COG1: variants seen among roughly 807,000 people sequenced by gnomAD.
COG1 encodes component of oligomeric golgi complex 1.
Under a neutral mutation model 102.2 loss-of-function variants are expected in COG1, and 61 were observed. The ratio of observed to expected loss-of-function variants is 0.60; its 90% CI spans 0.49 to 0.74. The LOEUF (loss-of-function observed/expected upper bound fraction) is 0.74, where lower values mean the gene tolerates loss of function less well. Among genes scored for constraint, COG1 ranks in the 30% least tolerant of loss-of-function variants. The probability of loss-of-function intolerance (pLI) is 0.00; values close to 1 mark genes in which losing one functional copy is unlikely to be tolerated. For synonymous variants in COG1, 454 were observed against 493.6 expected (o/e 0.92, Z 1.06); for missense variants, 1,164 against 1,232.1 (o/e 0.94, Z 0.83).
intron 13 of COG1, chr17:73,207,993 G>T: frequency 7.8e-7 from 1 of 1,277,452 alleles, no homozygotes; most frequent in Non-Finnish European, 1.0e-6. Flanking sequence ...CTATGTTGCA[G>T]CCTCTTCCAG....
At chr17:73,204,460 A>C (rs540346198) in intron 9 of COG1, among the ~76,000 whole-genome samples, 2 of 151,960 alleles carry the variant, frequency 1.3e-5, no homozygotes, top group African/African-American at 4.8e-5. Context: ...AGAGGTGCTT[A>C]CTTACGGGGA....
rs1213519717 is a variant in COG1 at position 73,193,393 on chromosome 17, C to G, written c.315+9C>G. 7.0e-7 allele frequency: 1 copy of G among 1,427,264 alleles called. No individual in the cohort carries two copies. The highest frequency in any genetic ancestry group is 3.1e-5 in the Admixed American group (1 of 32,370). 88.4% of individuals were successfully genotyped at this position (1,427,264 alleles called of 1,614,324 possible). ...CACCGCGGGCCCAGCAGGTCAGTCC[C>G]CGTGCCCCCACCCTGCGACCCGCAG... On this transcript the variant is annotated intron_variant, in intron 1 of 13. Coordinates refer to ENST00000299886, the MANE Select transcript of COG1 (RefSeq NM_018714.3).
chr17:73,195,357 C>T (rs1385483055), intron 1 of COG1, among the ~76,000 whole-genome samples: 1 of 152,182 alleles, frequency 6.6e-6, no homozygotes, highest in African/African-American at 2.4e-5. Flanking sequence ...CGCTGTGGCT[C>T]ATGCCAGCAC....
intron 6 of COG1, 131 bp downstream of exon 6, chr17:73,200,907 C>A: frequency 1.0e-6 from 1 of 978,828 alleles, no homozygotes; most frequent in African/African-American, 1.6e-5. Flanking sequence ...GAGTCTAGAG[C>A]TGAAAATACA....
At position 73,196,522 on chromosome 17, in the gene COG1, CAGG is replaced by C. The variant is rs749016283; in HGVS notation, c.334_336del (p.Glu112del). ...TCCCCTGCAGCCACAGCAGCCATCC[CAGG>C]AGAAGTTCTACAGCATGGCTGCCCA... On this transcript the variant is annotated inframe_deletion, in exon 2 of 14. Transcript: ENST00000299886. 8 of 1,614,064 alleles carry C rather than the reference CAGG, an allele frequency of 5.0e-6. No homozygotes were observed. The East Asian group carries it at 8.9e-5, about 18-fold the overall frequency.
chr17:73,205,673 G>A lies in COG1; in HGVS notation c.2503G>A (p.Asp835Asn), dbSNP rs1312353126. ...GGTGAAGAGTGGCCGGAGCAAGCCAGACTCCAGGTGTCGTATCCTCTAGGG... is the reference window on the plus strand; with the variant it reads ...GGTGAAGAGTGGCCGGAGCAAGCCAAACTCCAGGTGTCGTATCCTCTAGGG... ...DEVKSGRSKP[D>N]SRIEKVTDHL... Residue 835 changes from aspartate to asparagine, a missense_variant, in exon 10 of 14, where the codon GAC (aspartate) becomes AAC (asparagine). Transcript: ENST00000299886. 1.2e-6 allele frequency: 2 copies of A among 1,613,734 alleles called. No homozygotes were observed. Among genetic ancestry groups the A allele is most frequent in the East Asian group, 4.5e-5 (2 of 44,884 alleles).
intron 1 of COG1, among the ~76,000 whole-genome samples, chr17:73,194,378 C>G (rs1309284993): frequency 7.5e-6 from 1 of 133,982 alleles, no homozygotes; most frequent in African/African-American, 2.7e-5. Flanking sequence ...GGAGGCGGAG[C>G]TTGCAGTGAG....
chr17:73,208,277 C>A, intron 13 of COG1, 37 bp from the exon 14 acceptor site: 1 of 1,611,916 alleles, frequency 6.2e-7, no homozygotes, highest in Non-Finnish European at 8.5e-7. Context: ...AGGGCTCAGG[C>A]CAACTCTAAG....
At position 73,201,238 on chromosome 17, in the gene COG1, A is replaced by G. The variant is rs1331935432; in HGVS notation, c.1411A>G (p.Met471Val). ...SNKHIHFEYN[M>V]SLFLWSESPN... ...TAAGCACATCCACTTTGAGTACAAC[A>G]TGTCGCTCTTCCTCTGGTCTGAGAG... is the stretch of plus-strand genomic sequence containing the variant. Residue 471 changes from methionine to valine, a missense_variant, in exon 7 of 14, where the codon ATG (methionine) becomes GTG (valine). Coordinates refer to ENST00000299886, the MANE Select transcript of COG1 (RefSeq NM_018714.3). 1 of 1,614,186 alleles carries G rather than the reference A, an allele frequency of 6.2e-7. No individual in the cohort carries two copies. Among genetic ancestry groups the G allele is most frequent in the East Asian group, 2.2e-5 (1 of 44,886 alleles).
chr17:73,202,911 G>A, intron 7 of COG1, 89 bp from the exon 8 acceptor site: 2 of 1,397,176 alleles, frequency 1.4e-6, no homozygotes, highest in Non-Finnish European at 2.0e-6. Context: ...TCAGCAGCTT[G>A]AGCTGTTCTC....
chr17:73,203,666 T>G lies in COG1; in HGVS notation c.2255T>G (p.Leu752Ter), dbSNP rs989306936. 6.2e-7 allele frequency: 1 copy of G among 1,614,138 alleles called. No homozygotes were observed. The highest frequency in any genetic ancestry group is 1.3e-5 in the African/African-American group (1 of 74,940). ...SWYVQSFLFS[L>*]CQEINRVGGH... Reference sequence around the variant, plus strand: ...TATGTACAGTCCTTCCTGTTTAGTTTATGCCAGGAAATTAATCGGGTTGGA... The same window carrying G: ...TATGTACAGTCCTTCCTGTTTAGTTGATGCCAGGAAATTAATCGGGTTGGA... Residue 752 changes from leucine (L) to a stop codon, truncating the protein, a stop_gained, in exon 9 of 14, where the codon TTA (leucine) becomes TGA (stop). Transcript: ENST00000299886. LOFTEE classifies it high-confidence loss of function.
At chr17:73,205,975 AC>A in intron 10 of COG1, 178 bp from the exon 11 acceptor site, 1 of 690,106 alleles carries the variant, frequency 1.4e-6, no homozygotes, top group Non-Finnish European at 2.6e-6. Context: ...GAAAGGGTGG[AC>A]TTCACTTAGA....
Position 73,201,593 on chromosome 17 carries a change from T to C in COG1, c.1766T>C (p.Leu589Pro). The C allele has an allele frequency of 6.2e-7, 1 of 1,614,206 alleles. No homozygotes were observed. Among genetic ancestry groups the C allele is most frequent in the Middle Eastern group, 1.6e-4 (1 of 6,062 alleles). Residue 589 changes from leucine to proline, a missense_variant, in exon 7 of 14, where the codon CTA (leucine) becomes CCA (proline). Leu to Pro is a moderately conservative substitution (Grantham distance 98). Transcript: ENST00000299886. ...KHIVDCIRAE[L>P]QSIEEGVQGQ... ...ATCGTGGACTGCATCCGGGCAGAGC[T>C]ACAGAGCATTGAAGAGGGTGTGCAA...
Position 73,193,568 on chromosome 17 carries a change from C to A in COG1, c.315+184C>A, listed in dbSNP as rs146064124. 2.7e-3 allele frequency among the ~76,000 whole-genome samples: 410 copies of A among 152,354 alleles called. 3 individuals are homozygous for A. Among genetic ancestry groups the A allele is most frequent in the African/African-American group, 9.5e-3 (394 of 41,574 alleles). On this transcript the variant is annotated intron_variant, in intron 1 of 13. Coordinates refer to ENST00000299886, the MANE Select transcript of COG1 (RefSeq NM_018714.3). Reference sequence around the variant, plus strand: ...GAGGACAGTGCCAGCCTTCCTTGCACATATGCGGCTGCTGATCCGTTCTGG... The same window carrying A: ...GAGGACAGTGCCAGCCTTCCTTGCAAATATGCGGCTGCTGATCCGTTCTGG...
intron 10 of COG1, 76 bp downstream of exon 10, chr17:73,205,756 A>G: frequency 1.3e-6 from 2 of 1,577,764 alleles, no homozygotes. Context: ...GGAAGCCACC[A>G]GAGTCAGCCT....
In COG1 at chr17:73,197,394, C is replaced by T; in HGVS notation, c.911C>T (p.Ala304Val). 1 of 1,614,066 alleles carries T rather than the reference C, an allele frequency of 6.2e-7. No individual in the cohort carries two copies. Among genetic ancestry groups the T allele is most frequent in the African/African-American group, 1.3e-5 (1 of 75,044 alleles). The change falls in exon 4 of 14, where the codon GCC becomes GTC. Residue 304 changes from alanine to valine, a missense_variant and splice_region_variant. Physicochemically the swap from Ala to Val is moderately conservative, Grantham distance 64. Transcript: ENST00000299886. ...GAGACCATCACAGGCCAGCATCCTGCCGGTGAGCTCTTAGCCAAGCTTTTT... is the reference window on the plus strand; with the variant it reads ...GAGACCATCACAGGCCAGCATCCTGTCGGTGAGCTCTTAGCCAAGCTTTTT... ...TLETITGQHP[A>V]GKGTGVLQEE...
In COG1 at chr17:73,196,904, A is replaced by G. The variant is rs193248551; in HGVS notation, c.565A>G (p.Thr189Ala). The G allele has an allele frequency of 6.1e-5, 98 of 1,614,192 alleles. No individual in the cohort carries two copies. The highest frequency in any genetic ancestry group is 2.6e-4 in the South Asian group (24 of 91,082). The stretch of plus-strand genomic sequence containing the variant: ...CTTCTGTCATCATTTTTCTAGGTCA[A>G]CTATTCTGCATGAAAGCAAGATGTT... Reference protein sequence around the residue: ...QVAAASHFRSTILHESKMLLK... With the variant: ...QVAAASHFRSAILHESKMLLK... The change falls in exon 3 of 14, where the codon ACT becomes GCT. Residue 189 changes from threonine (T) to alanine (A), a missense_variant. By Grantham distance (58) the Thr-to-Ala change is moderately conservative. Coordinates refer to ENST00000299886, the MANE Select transcript of COG1 (RefSeq NM_018714.3).
rs571044725 is a variant in COG1, at chr17:73,204,861, A to G, written c.2383-692A>G. On this transcript the variant is annotated intron_variant, in intron 9 of 13. Coordinates refer to ENST00000299886, the MANE Select transcript of COG1 (RefSeq NM_018714.3). ...CAGGAGCCATCACGCCTGGCCAGTA[A>G]CATTTTTTAGAAGGAACATGGTCAG... Among the ~76,000 whole-genome samples, 6 of 152,282 alleles carry G rather than the reference A, an allele frequency of 3.9e-5. No homozygotes were observed. In the South Asian group the frequency reaches 1.2e-3, roughly 32 times the overall value.
At position 73,205,723 on chromosome 17, in the gene COG1, A is replaced by T. The variant is rs955638691; in HGVS notation, c.2510+43A>T. The T allele has an allele frequency of 3.1e-6, 5 of 1,611,896 alleles. No individual in the cohort carries two copies. In the South Asian group the frequency reaches 3.3e-5, roughly 11 times the overall value. ...GAGCTATGTCAAGGCGGTCTCTTCC[A>T]AAAGCAAATAGTCCCTTTGCTGGGA... is the stretch of plus-strand genomic sequence containing the variant. On this transcript the variant is annotated intron_variant, in intron 10 of 13. Transcript: ENST00000299886.
Sources: allele counts gnomAD v4.1 joint callset (sites outside exome capture counted in the v4.1 genomes callset), GRCh38; gene constraint gnomAD v4.1.1; transcripts MANE v1.5; gene names NCBI Gene and HGNC (gene_info 2026-07-23, HGNC 2026-07-21).